Variants in HHAT observed in about 807,000 individuals in gnomAD.
The protein encoded by HHAT is protein-cysteine N-palmitoyltransferase HHAT.
Under a neutral mutation model 70.8 loss-of-function variants are expected in HHAT, and 47 were observed. That is an observed-to-expected ratio of 0.66 (90% CI 0.53 to 0.85). The LOEUF (loss-of-function observed/expected upper bound fraction) is 0.85, where lower values mean the gene tolerates loss of function less well. HHAT is among the 40% of genes least tolerant of loss of function. HHAT has a pLI of 0.00. For missense variants in HHAT, 609 were observed against 604.8 expected (o/e 1.01, Z -0.07); for synonymous variants, 228 against 247.6 (o/e 0.92, Z 0.74).
intron 9 of HHAT, among the ~76,000 whole-genome samples, chr1:210,570,017 T>C (rs915629572): frequency 2.0e-5 from 3 of 152,144 alleles, no homozygotes; most frequent in Admixed American, 6.5e-5. Context: ...ACAAAAATGA[T>C]TGGGGAGCCA....
At chr1:210,491,905 G>C (rs1173638893) in intron 8 of HHAT, among the ~76,000 whole-genome samples, 1 of 152,140 alleles carries the variant, frequency 6.6e-6, no homozygotes. Flanking sequence ...TGGGACTATA[G>C]ATGCACACCA....
intron 6 of HHAT, among the ~76,000 whole-genome samples, chr1:210,414,345 G>A (rs1478650460): frequency 6.6e-6 from 1 of 152,112 alleles, no homozygotes; most frequent in Non-Finnish European, 1.5e-5. Flanking sequence ...TTTTAGTGGG[G>A]CACAAACATG....
At chr1:210,446,762 A>T (rs2093643304) in intron 7 of HHAT, among the ~76,000 whole-genome samples, 1 of 152,236 alleles carries the variant, frequency 6.6e-6, no homozygotes, top group Non-Finnish European at 1.5e-5. Flanking sequence ...ATCTCTGCTT[A>T]AATGTCATTG....
At chr1:210,358,544 A>G (rs1475487365) in intron 2 of HHAT, among the ~76,000 whole-genome samples, 1 of 152,196 alleles carries the variant, frequency 6.6e-6, no homozygotes, top group Non-Finnish European at 1.5e-5. Flanking sequence ...GCAGAAGAAT[A>G]TTTGAGAGTT....
chr1:210,418,357 G>A, intron 7 of HHAT, 32 bp downstream of exon 7: 7 of 1,546,794 alleles, frequency 4.5e-6, no homozygotes, highest in Non-Finnish European at 6.1e-6. Flanking sequence ...AGTGGGATGA[G>A]CCCCAATAGT....
chr1:210,655,566 G>A (rs1432841473), intron 11 of HHAT, among the ~76,000 whole-genome samples: 1 of 152,222 alleles, frequency 6.6e-6, no homozygotes, highest in Non-Finnish European at 1.5e-5. Context: ...GCACCCACCA[G>A]GACTTGCCTG....
chr1:210,539,610 C>T (rs1421733581), intron 9 of HHAT, among the ~76,000 whole-genome samples: 1 of 152,154 alleles, frequency 6.6e-6, no homozygotes, highest in Non-Finnish European at 1.5e-5. Flanking sequence ...GTTTTGAGGA[C>T]TCGAGGTAGA....
intron 3 of HHAT, among the ~76,000 whole-genome samples, chr1:210,385,242 A>C (rs1282027659): frequency 3.8e-5 from 5 of 131,510 alleles, no homozygotes; most frequent in African/African-American, 1.5e-4. Flanking sequence ...TAAAAAGCTC[A>C]TATGTTTTTC....
chr1:210,400,791 C>T lies in HHAT; in HGVS notation c.468+129C>T, dbSNP rs77267215. 8.5e-3 allele frequency: 6,802 copies of T among 804,114 alleles called. 273 individuals carry two copies. In the African/African-American group the frequency reaches 0.088, roughly 10 times the overall value. The allele number at this position is 804,114 out of a possible 1,614,324, so 49.8% of individuals were successfully genotyped here. On this transcript the variant is annotated intron_variant, in intron 5 of 11. Coordinates refer to ENST00000261458, the MANE Select transcript of HHAT (RefSeq NM_018194.6). ...CTGTGATGGGGCTCCCCATAGTGGC[C>T]GTACAGGGTTGCTACAAGTGAACCC... is the stretch of plus-strand genomic sequence containing the variant.
intron 9 of HHAT, among the ~76,000 whole-genome samples, chr1:210,516,891 C>T (rs1263176313): frequency 6.6e-6 from 1 of 152,238 alleles, no homozygotes; most frequent in Non-Finnish European, 1.5e-5. Context: ...GAGGGACATG[C>T]TTCCTTTTAA....
rs187545638 is a variant in HHAT, at chr1:210,604,230, C to T, written c.1245+16131C>T. 3.1e-3 allele frequency among the ~76,000 whole-genome samples: 445 copies of T among 145,056 alleles called. 2 individuals are homozygous for T. Among genetic ancestry groups the T allele is most frequent in the Non-Finnish European group, 4.6e-3 (303 of 66,278 alleles). On this transcript the variant is annotated intron_variant, in intron 10 of 11. Transcript: ENST00000261458. ...GAGTAGTTGGGACTACAGGTGCATG[C>T]CACCAAGCCCAGCTATTTTTTTTTT... is the stretch of plus-strand genomic sequence containing the variant.
intron 1 of HHAT, among the ~76,000 whole-genome samples, chr1:210,341,191 G>A (rs1014502504): frequency 6.6e-6 from 1 of 152,152 alleles, no homozygotes; most frequent in Admixed American, 6.5e-5. Context: ...GGTGATGCTG[G>A]TATGGAGGGA....
In HHAT at chr1:210,349,033, T is replaced by C; in HGVS notation, c.58T>C (p.Tyr20His). 6.2e-7 allele frequency: 1 copy of C among 1,614,116 alleles called. No homozygotes were observed. The highest frequency in any genetic ancestry group is 8.5e-7 in the Non-Finnish European group (1 of 1,179,992). ...ACTTGCCTCACTAGGCTTCCACTTC[T>C]ATTCCTTCTATGAAGTTTACAAAGT... ...YLLASLGFHF[Y>H]SFYEVYKVSR... Residue 20 changes from tyrosine to histidine, a missense_variant, in exon 2 of 12, where the codon TAT becomes CAT. Physicochemically the swap from Tyr to His is moderately conservative, Grantham distance 83. Transcript: ENST00000261458.
chr1:210,456,660 C>T (rs1209009728), intron 7 of HHAT, among the ~76,000 whole-genome samples: 1 of 152,150 alleles, frequency 6.6e-6, no homozygotes, highest in Non-Finnish European at 1.5e-5. Context: ...GGTTTCTGAC[C>T]ATTTGTCCTT....
intron 5 of HHAT, among the ~76,000 whole-genome samples, chr1:210,402,351 C>T (rs575546292): frequency 2.0e-4 from 31 of 152,180 alleles, no homozygotes; most frequent in African/African-American, 1.7e-4. Context: ...CTTCCTAGCC[C>T]GGTTCCCAAA....
At chr1:210,563,525 G>T (rs962553692) in intron 9 of HHAT, among the ~76,000 whole-genome samples, 10 of 152,100 alleles carry the variant, frequency 6.6e-5, no homozygotes, top group Admixed American at 6.5e-4. Flanking sequence ...AGCCTCTTCA[G>T]ATCCCCTTCA....
At chr1:210,351,508 G>A (rs2087020769) in intron 2 of HHAT, among the ~76,000 whole-genome samples, 1 of 152,180 alleles carries the variant, frequency 6.6e-6, no homozygotes, top group African/African-American at 2.4e-5. Context: ...TCTTTAGCCT[G>A]GTGATGTGTT....
At chr1:210,486,723 G>T (rs975259529) in intron 8 of HHAT, among the ~76,000 whole-genome samples, 1 of 152,140 alleles carries the variant, frequency 6.6e-6, no homozygotes, top group African/African-American at 2.4e-5. Context: ...TACTTACAAA[G>T]TCAGGGGCTT....
intron 7 of HHAT, chr1:210,439,490 C>G (rs1255554672): frequency 6.6e-6 from 1 of 151,920 alleles, no homozygotes; most frequent in African/African-American, 2.4e-5. Context: ...TAAGTGTGCT[C>G]ATATTGATCA....
Sources: gnomAD v4.1 joint callset for allele counts (sites outside exome capture counted in the v4.1 genomes callset) on GRCh38, gnomAD v4.1.1 for gene constraint, MANE v1.5 for transcripts, NCBI Gene and HGNC (gene_info 2026-07-23, HGNC 2026-07-21) for gene names.